Variants in UNC80 observed in about 807,000 individuals in gnomAD.
The protein encoded by UNC80 is protein unc-80 homolog.
A neutral mutation model predicts 384.6 loss-of-function variants in UNC80; 164 were observed. The ratio of observed to expected loss-of-function variants is 0.43; its 90% CI spans 0.38 to 0.49. The LOEUF (loss-of-function observed/expected upper bound fraction) is 0.49, where lower values mean the gene tolerates loss of function less well. Ranked by LOEUF, UNC80 falls within the 20% of genes least tolerant of loss-of-function variation. The pLI is 0.00. For missense variants in UNC80, 3,330 were observed against 4,143.0 expected (o/e 0.80, Z 5.39); for synonymous variants, 1,486 against 1,527.8 (o/e 0.97, Z 0.64).
intron 35 of UNC80, among the ~76,000 whole-genome samples, chr2:209,924,821 C>G (rs2090304011): frequency 1.3e-5 from 2 of 150,226 alleles, no homozygotes. Flanking sequence ...GCTGTTTGCA[C>G]TAAGCTTTAA....
At chr2:209,806,763 C>A (rs2153826702) in intron 7 of UNC80, among the ~76,000 whole-genome samples, 1 of 152,380 alleles carries the variant, frequency 6.6e-6, no homozygotes. Context: ...GTCTTCTCTG[C>A]ACTCTGCAAT....
At chr2:209,897,184 T>C (rs2086879675) in intron 28 of UNC80, among the ~76,000 whole-genome samples, 1 of 152,134 alleles carries the variant, frequency 6.6e-6, no homozygotes, top group Non-Finnish European at 1.5e-5. Flanking sequence ...AGGTAAACTT[T>C]TTAGTGAACT....
chr2:209,925,091 CTT>C (rs760788567), intron 35 of UNC80, among the ~76,000 whole-genome samples: 1 of 142,578 alleles, frequency 7.0e-6, no homozygotes, highest in African/African-American at 2.6e-5. Context: ...GTCTTTTTTC[CTT>C]TTTTTTTTTG....
At position 209,819,124 on chromosome 2, in the gene UNC80, C is replaced by T. The variant is rs1188588782; in HGVS notation, c.1825C>T (p.Pro609Ser). 1 of 1,552,210 alleles carries T rather than the reference C, an allele frequency of 6.4e-7. No homozygotes were observed. Among genetic ancestry groups the T allele is most frequent in the Admixed American group, 2.0e-5 (1 of 51,000 alleles). ...CAACCAGGTGCCTATCCCGGAGATG[C>T]CACATGAACCTCTGGCATGTGCTAA... is the stretch of plus-strand genomic sequence containing the variant. ...LCNQVPIPEM[P>S]HEPLACANLP... Residue 609 changes from proline to serine, a missense_variant, in exon 12 of 65, where the codon CCA becomes TCA. This residue lies in a region of UNC80 where 937 missense variants were observed against 1,026.8 expected (regional missense o/e 0.91). Transcript: ENST00000673920.
rs115294619 is a variant in UNC80, at chr2:209,773,643, T to A, written c.141+501T>A. ...AGTGGTAGAAGAGAAGGCAGAGAGA[T>A]AACAGGGAACCAGGTGGTGTAGGGT... On this transcript the variant is annotated intron_variant, in intron 2 of 64. Coordinates refer to ENST00000673920, the MANE Select transcript of UNC80 (RefSeq NM_001371986.1). 5.1e-3 allele frequency among the ~76,000 whole-genome samples: 782 copies of A among 152,130 alleles called. 5 individuals carry two copies. The highest frequency in any genetic ancestry group is 0.018 in the African/African-American group (759 of 41,506).
chr2:209,821,820 C>T (rs182959637), intron 13 of UNC80, among the ~76,000 whole-genome samples: 1 of 152,220 alleles, frequency 6.6e-6, no homozygotes, highest in African/African-American at 2.4e-5. Context: ...TTGAAATCAA[C>T]AAGAGATTTT....
chr2:209,953,147 G>A lies in UNC80; in HGVS notation c.7287-953G>A, dbSNP rs1025337316. On this transcript the variant is annotated intron_variant, in intron 47 of 64. Coordinates refer to ENST00000673920, the MANE Select transcript of UNC80 (RefSeq NM_001371986.1). ...TCTAAACAAAAGATGGCAGGGTGCG[G>A]TGGTTCATGCCTGTAATCCCAGATC... 7.9e-5 allele frequency among the ~76,000 whole-genome samples: 12 copies of A among 152,294 alleles called. No homozygotes were observed. The East Asian group carries it at 1.9e-3, about 25-fold the overall frequency.
chr2:209,951,986 A>G (rs1163083973), intron 47 of UNC80, among the ~76,000 whole-genome samples: 1 of 152,150 alleles, frequency 6.6e-6, no homozygotes, highest in East Asian at 1.9e-4. Context: ...TACTATTAAC[A>G]CTTACCTTTC....
intron 61 of UNC80, among the ~76,000 whole-genome samples, chr2:209,989,100 G>T (rs1489771220): frequency 6.6e-6 from 1 of 151,262 alleles, no homozygotes. Context: ...ATTGCTTGAG[G>T]CCAGGAGTTT....
chr2:209,985,040 C>T, intron 61 of UNC80, 128 bp downstream of exon 61: 1 of 776,800 alleles, frequency 1.3e-6, no homozygotes, highest in South Asian at 2.6e-5. Context: ...ATTCCTTGCC[C>T]TTTGTTGTTC....
Position 209,969,770 on chromosome 2 carries a change from G to A in UNC80, c.8009G>A (p.Arg2670Gln), listed in dbSNP as rs1316184195. The change falls in exon 53 of 65, where the codon CGA (arginine) becomes CAA (glutamine). Residue 2670 changes from arginine (R) to glutamine (Q), a missense_variant and splice_region_variant. Coordinates refer to ENST00000673920, the MANE Select transcript of UNC80 (RefSeq NM_001371986.1). ...NKIHKMPTLR[R>Q]QVEWEPASNL... ...ATGGCGCCTATATTGTATTCCAGGC[G>A]ACAGGTTGAGTGGGAGCCTGCCAGC... The A allele has an allele frequency of 6.4e-7, 1 of 1,551,598 alleles. No homozygotes were observed. The highest frequency in any genetic ancestry group is 1.2e-5 in the South Asian group (1 of 84,050).
chr2:209,775,800 A>G, intron 2 of UNC80, 89 bp from the exon 3 acceptor site: 2 of 1,400,764 alleles, frequency 1.4e-6, no homozygotes, highest in East Asian at 2.3e-5. Context: ...CTTGCTGTTC[A>G]TTTTTTCACT....
chr2:209,971,875 T>A (rs1356984781), intron 54 of UNC80, among the ~76,000 whole-genome samples: 1 of 152,230 alleles, frequency 6.6e-6, no homozygotes, highest in Non-Finnish European at 1.5e-5. Flanking sequence ...TCCTTCTCCT[T>A]TGTTGTTAAA....
At chr2:209,816,760 A>G (rs989381771) in intron 9 of UNC80, 149 bp from the exon 10 acceptor site, 3 of 698,508 alleles carry the variant, frequency 4.3e-6, no homozygotes, top group African/African-American at 3.6e-5. Flanking sequence ...AATTTCTCCC[A>G]TTTTTATTGG....
At chr2:209,857,344 G>A (rs1444954631) in intron 22 of UNC80, among the ~76,000 whole-genome samples, 3 of 152,118 alleles carry the variant, frequency 2.0e-5, no homozygotes, top group African/African-American at 7.2e-5. Context: ...TCCTGAGACA[G>A]TTTAAGTAAT....
intron 28 of UNC80, among the ~76,000 whole-genome samples, chr2:209,904,022 G>A (rs2087868801): frequency 6.6e-6 from 1 of 152,106 alleles, no homozygotes; most frequent in South Asian, 2.1e-4. Context: ...ATATGCTATT[G>A]CCTTTTAAGA....
intron 2 of UNC80, among the ~76,000 whole-genome samples, chr2:209,775,540 A>G (rs1379408347): frequency 1.3e-5 from 2 of 152,198 alleles, no homozygotes; most frequent in Non-Finnish European, 2.9e-5. Flanking sequence ...GCAACATTTT[A>G]TAAAATATAC....
chr2:209,905,523 G>A (rs570388152), intron 29 of UNC80, among the ~76,000 whole-genome samples: 1 of 152,236 alleles, frequency 6.6e-6, no homozygotes, highest in East Asian at 1.9e-4. Context: ...CAAGGAAATG[G>A]ATTATCTCCT....
At position 209,887,843 on chromosome 2, in the gene UNC80, T is replaced by C. The variant is rs183448008; in HGVS notation, c.4111-252T>C. On this transcript the variant is annotated intron_variant, in intron 25 of 64. Transcript: ENST00000673920. ...TAAGGAAGATAGTTTTGGATTTGGA[T>C]CAAGGCCTATGCTTTTGGAAGGTAA... Among the ~76,000 whole-genome samples, 3 of 152,314 alleles carry C rather than the reference T, an allele frequency of 2.0e-5. No individual in the cohort carries two copies. In the East Asian group the frequency reaches 5.8e-4, roughly 29 times the overall value.
Sources: allele counts gnomAD v4.1 joint callset (sites outside exome capture counted in the v4.1 genomes callset), GRCh38; gene constraint gnomAD v4.1.1; regional missense constraint gnomAD v4.1.1; transcripts MANE v1.5; gene names NCBI Gene and HGNC (gene_info 2026-07-23, HGNC 2026-07-21).